Variants in ZNF620 observed in about 807,000 individuals in gnomAD.
ZNF620 encodes zinc finger protein 620.
A neutral mutation model predicts 13.3 loss-of-function variants in ZNF620; 10 were observed. The observed-to-expected ratio is 0.75, with a 90% confidence interval of 0.46 to 1.28. The LOEUF is 1.28. Ranked by LOEUF, ZNF620 falls within the 50% of genes most tolerant of loss-of-function variation. ZNF620 has a pLI of 0.00. For synonymous variants in ZNF620, 166 were observed against 177.6 expected (o/e 0.93, Z 0.52); for missense variants, 461 against 500.2 (o/e 0.92, Z 0.75).
At chr3:40,513,316 A>AAAAAAAAATATATAT (rs1193351404) in intron 4 of ZNF620, among the ~76,000 whole-genome samples, 12 of 62,660 alleles carry the variant, frequency 1.9e-4, no homozygotes, top group African/African-American at 1.0e-3. Context: ...AAAAAAAAAA[A>AAAAAAAAATATATAT]ATATATATAT....
Position 40,506,126 on chromosome 3 carries a change from G to GT in ZNF620, c.-60dup. The GT allele has an allele frequency of 1.6e-6, 1 of 623,138 alleles. No homozygotes were observed. The highest frequency in any genetic ancestry group is 2.8e-5 in the East Asian group (1 of 35,796). The allele number at this position is 623,138 out of a possible 1,614,324, so 38.6% of individuals were successfully genotyped here. Reference sequence around the variant, plus strand: ...GGGATTCGCGGTCCGAGCTGAAGAGGTTCGCGGTCCGGGTAACTGATTGGT... The same window carrying GT: ...GGGATTCGCGGTCCGAGCTGAAGAGGTTTCGCGGTCCGGGTAACTGATTGGT... On this transcript the variant is annotated 5_prime_UTR_variant, in exon 1 of 5. Transcript: ENST00000314529.
chr3:40,512,827 T>G (rs1435032720), intron 4 of ZNF620, among the ~76,000 whole-genome samples: 2 of 152,196 alleles, frequency 1.3e-5, no homozygotes, highest in African/African-American at 4.8e-5. Context: ...CATGAAAACA[T>G]TTTATTTTTC....
At chr3:40,514,303 T>G (rs1228873247) in intron 4 of ZNF620, among the ~76,000 whole-genome samples, 1 of 152,168 alleles carries the variant, frequency 6.6e-6, no homozygotes, top group Non-Finnish European at 1.5e-5. Flanking sequence ...GCCCCCTGTC[T>G]GGTGGACATG....
rs762579877 is a variant in ZNF620 at position 40,515,857 on chromosome 3, T to C, written c.266-3T>C. The C allele has an allele frequency of 5.0e-6, 8 of 1,591,734 alleles. No homozygotes were observed. The highest frequency in any genetic ancestry group is 6.8e-6 in the Non-Finnish European group (8 of 1,168,884). On this transcript the variant is annotated splice_region_variant and splice_polypyrimidine_tract_variant and intron_variant, in intron 4 of 4. Coordinates refer to ENST00000314529, the MANE Select transcript of ZNF620 (RefSeq NM_175888.4). Reference sequence around the variant, plus strand: ...TGACATTTGTATTTTCTTTTTGTGATAGGGGATGAGGCCAGAACTGAGAAG... The same window carrying C: ...TGACATTTGTATTTTCTTTTTGTGACAGGGGATGAGGCCAGAACTGAGAAG...
chr3:40,508,633 T>C (rs754393191), intron 2 of ZNF620: 3 of 397,254 alleles, frequency 7.6e-6, no homozygotes, highest in South Asian at 5.5e-5. Flanking sequence ...ACTGCAGCTT[T>C]TTTTTTTTTC....
chr3:40,506,323 G>C lies in ZNF620; in HGVS notation c.-30G>C, dbSNP rs919759614. On this transcript the variant is annotated 5_prime_UTR_variant, in exon 2 of 5. Transcript: ENST00000314529. ...CTTCAGTTTCACTTCTCCGAACCCT[G>C]AGGCAGTGTGTGAAGCTGGGACGCC... The C allele has an allele frequency of 3.1e-6, 5 of 1,613,964 alleles. No individual in the cohort carries two copies. The highest frequency in any genetic ancestry group is 4.2e-6 in the Non-Finnish European group (5 of 1,180,032).
intron 2 of ZNF620, among the ~76,000 whole-genome samples, chr3:40,509,827 C>A (rs1396382847): frequency 6.6e-6 from 1 of 152,194 alleles, no homozygotes; most frequent in East Asian, 1.9e-4. Context: ...GTGTTGCAGC[C>A]TGGAAATTCC....
chr3:40,508,659 C>A, intron 2 of ZNF620: 1 of 408,176 alleles, frequency 2.4e-6, no homozygotes, highest in Non-Finnish European at 4.8e-6. Flanking sequence ...TCCTTAGAGA[C>A]AATCTTACTC....
intron 2 of ZNF620, among the ~76,000 whole-genome samples, chr3:40,508,032 A>C (rs901682645): frequency 4.6e-5 from 7 of 152,262 alleles, no homozygotes; most frequent in Non-Finnish European, 1.0e-4. Context: ...CTTATCTTTT[A>C]TTACCTGCAG....
intron 2 of ZNF620, among the ~76,000 whole-genome samples, chr3:40,508,351 C>T (rs1235262098): frequency 3.3e-5 from 5 of 151,846 alleles, no homozygotes; most frequent in Admixed American, 6.6e-5. Flanking sequence ...TCCCAAGTAC[C>T]GCTTTAGCAT....
At chr3:40,512,660 G>T in intron 4 of ZNF620, 145 bp downstream of exon 4, 1 of 628,118 alleles carries the variant, frequency 1.6e-6, no homozygotes, top group East Asian at 3.0e-5. Flanking sequence ...AGTTCATGGT[G>T]GTAGCCTACC....
Position 40,512,347 on chromosome 3 carries a change from A to G in ZNF620, c.152-55A>G, listed in dbSNP as rs1354977486. The G allele has an allele frequency of 3.4e-6, 5 of 1,469,932 alleles. No homozygotes were observed. The East Asian group carries it at 9.1e-5, about 27-fold the overall frequency. 91.1% of individuals were successfully genotyped at this position (1,469,932 alleles called of 1,614,324 possible). On this transcript the variant is annotated intron_variant, in intron 3 of 4. Coordinates refer to ENST00000314529, the MANE Select transcript of ZNF620 (RefSeq NM_175888.4). The stretch of plus-strand genomic sequence containing the variant: ...AGATAAAGATAAAGGGGGCTGCAAG[A>G]GGATCCTGGTTCCTGATTCCCCTTA...
At chr3:40,515,806 G>GTA (rs1698355934) in intron 4 of ZNF620, 54 bp from the exon 5 acceptor site, 1 of 1,430,232 alleles carries the variant, frequency 7.0e-7, no homozygotes, top group African/African-American at 1.6e-5. Context: ...GTGTGTGTGT[G>GTA]TGTGTGTGTG....
intron 4 of ZNF620, among the ~76,000 whole-genome samples, chr3:40,513,993 G>A (rs914806148): frequency 1.3e-5 from 2 of 152,104 alleles, no homozygotes; most frequent in Admixed American, 6.5e-5. Context: ...TTGGTCTAGC[G>A]GTAGCGCCAG....
chr3:40,513,319 ATATAT>A lies in ZNF620; in HGVS notation c.265+805_265+809del, dbSNP rs1559550910. On this transcript the variant is annotated intron_variant, in intron 4 of 4. Transcript: ENST00000314529. ...GTCTCAACTAAAAAAAAAAAAAAAT[ATATAT>A]ATATATATATATATATATATATATA... is the stretch of plus-strand genomic sequence containing the variant. Among the ~76,000 whole-genome samples the A allele has an allele frequency of 4.9e-3, 467 of 94,934 alleles. 35 individuals carry two copies. The highest frequency in any genetic ancestry group is 0.022 in the African/African-American group (409 of 18,810). The allele number at this position is 94,934 out of a possible 152,430, so 62.3% of individuals were successfully genotyped here. A position where few individuals can be genotyped will look rare whatever the true frequency, so the allele number is the denominator to read the frequency against.
intron 2 of ZNF620, among the ~76,000 whole-genome samples, chr3:40,509,918 A>AT (rs1553656542): frequency 6.6e-6 from 1 of 151,936 alleles, no homozygotes; most frequent in Non-Finnish European, 1.5e-5. Context: ...TTTTTGCATG[A>AT]TATCTTGAAA....
intron 1 of ZNF620, 63 bp from the exon 2 acceptor site, chr3:40,506,241 G>A: frequency 7.2e-7 from 1 of 1,379,798 alleles, no homozygotes; most frequent in Non-Finnish European, 1.0e-6. Context: ...AAGTAGCACA[G>A]AGGGCATTTG....
rs1575290538 is a variant in ZNF620 at position 40,512,367 on chromosome 3, C to T, written c.152-35C>T. Reference sequence around the variant, plus strand: ...GCAAGAGGATCCTGGTTCCTGATTCCCCTTACCTTTTCCTGTTTCTTTCTC... The same window carrying T: ...GCAAGAGGATCCTGGTTCCTGATTCTCCTTACCTTTTCCTGTTTCTTTCTC... On this transcript the variant is annotated intron_variant, in intron 3 of 4. Coordinates refer to ENST00000314529, the MANE Select transcript of ZNF620 (RefSeq NM_175888.4). 5 of 1,585,958 alleles carry T rather than the reference C, an allele frequency of 3.2e-6. No homozygotes were observed. The East Asian group carries it at 8.9e-5, about 28-fold the overall frequency.
At chr3:40,515,646 A>G (rs937322817) in intron 4 of ZNF620, among the ~76,000 whole-genome samples, 5 of 152,242 alleles carry the variant, frequency 3.3e-5, no homozygotes, top group African/African-American at 1.2e-4. Flanking sequence ...CCCGTCTCAT[A>G]GAGTTTTCAT....
Sources: gnomAD v4.1 joint callset for allele counts (sites outside exome capture counted in the v4.1 genomes callset) on GRCh38, gnomAD v4.1.1 for gene constraint, MANE v1.5 for transcripts, NCBI Gene and HGNC (gene_info 2026-07-23, HGNC 2026-07-21) for gene names.